SGCZ: variants seen among roughly 807,000 people sequenced by gnomAD.
The protein encoded by SGCZ is zeta-sarcoglycan.
SGCZ carries 40 observed loss-of-function variants against 41.3 expected under a neutral mutation model. The observed-to-expected ratio is 0.97, with a 90% confidence interval of 0.75 to 1.26. SGCZ has a LOEUF of 1.26. Among genes scored for constraint, SGCZ ranks in the 50% most tolerant of loss-of-function variants. The pLI is 0.00. For synonymous variants in SGCZ, 206 were observed against 137.5 expected (o/e 1.50, Z -3.49); for missense variants, 552 against 369.8 (o/e 1.49, Z -4.04).
intron 5 of SGCZ, among the ~76,000 whole-genome samples, chr8:14,153,152 T>A (rs1428691736): frequency 6.6e-6 from 1 of 152,214 alleles, no homozygotes; most frequent in Non-Finnish European, 1.5e-5. Flanking sequence ...TATAAGATGT[T>A]ACCATTGAGA....
intron 1 of SGCZ, among the ~76,000 whole-genome samples, chr8:14,685,282 G>C (rs1334088277): frequency 6.6e-6 from 1 of 151,992 alleles, no homozygotes; most frequent in African/African-American, 2.4e-5. Context: ...GTGGTATTTT[G>C]GGGTGGACAT....
intron 2 of SGCZ, among the ~76,000 whole-genome samples, chr8:14,523,154 T>G (rs7812643): frequency 0.81 from 123,667 of 151,806 alleles, 50,927 homozygotes; most frequent in African/African-American, 0.95. Context: ...TTAGAACCAC[T>G]TTAGAGAGTG....
intron 1 of SGCZ, among the ~76,000 whole-genome samples, chr8:14,742,011 C>A (rs1228177439): frequency 6.6e-6 from 1 of 151,728 alleles, no homozygotes; most frequent in East Asian, 1.9e-4. Flanking sequence ...TTATTTAAGG[C>A]ATAATTATTT....
At chr8:14,356,450 A>G (rs1340018224) in intron 2 of SGCZ, among the ~76,000 whole-genome samples, 2 of 152,166 alleles carry the variant, frequency 1.3e-5, no homozygotes, top group Admixed American at 1.3e-4. Flanking sequence ...GAAATACTGT[A>G]TATTAATGAA....
At chr8:14,121,236 C>T (rs906600646) in intron 5 of SGCZ, among the ~76,000 whole-genome samples, 3 of 151,712 alleles carry the variant, frequency 2.0e-5, no homozygotes, top group African/African-American at 7.3e-5. Context: ...ATATATTCAA[C>T]TATATTATAT....
intron 1 of SGCZ, among the ~76,000 whole-genome samples, chr8:14,669,691 TATACAC>T (rs1808039658): frequency 1.6e-5 from 1 of 61,568 alleles, no homozygotes; most frequent in Non-Finnish European, 3.1e-5. Flanking sequence ...CCATTTTGTG[TATACAC>T]ACACACACAC....
chr8:14,569,832 C>A (rs1369561948), intron 1 of SGCZ, among the ~76,000 whole-genome samples: 1 of 151,940 alleles, frequency 6.6e-6, no homozygotes, highest in African/African-American at 2.4e-5. Context: ...TGGGTGGGGG[C>A]TGAAATACTT....
At chr8:14,811,011 A>G (rs752009294) in intron 1 of SGCZ, among the ~76,000 whole-genome samples, 24 of 152,056 alleles carry the variant, frequency 1.6e-4, no homozygotes, top group Non-Finnish European at 2.9e-4. Flanking sequence ...TTTTTAGTAC[A>G]TCTTTCCCCC....
chr8:14,370,468 T>C (rs886550503), intron 2 of SGCZ, among the ~76,000 whole-genome samples: 1 of 151,888 alleles, frequency 6.6e-6, no homozygotes, highest in Non-Finnish European at 1.5e-5. Context: ...TTATATGAAA[T>C]TGACTAAACT....
chr8:14,763,060 AAAC>A (rs769307445), intron 1 of SGCZ, among the ~76,000 whole-genome samples: 5 of 152,226 alleles, frequency 3.3e-5, no homozygotes, highest in African/African-American at 4.8e-5. Context: ...TTAAAAATAA[AAAC>A]AACAATCAAT....
intron 4 of SGCZ, among the ~76,000 whole-genome samples, chr8:14,184,382 T>C (rs1804835408): frequency 6.6e-6 from 1 of 152,188 alleles, no homozygotes; most frequent in African/African-American, 2.4e-5. Context: ...ATTTAAATGA[T>C]TTTTAGTCTT....
At chr8:14,835,887 T>C (rs968303558) in intron 1 of SGCZ, among the ~76,000 whole-genome samples, 1 of 152,022 alleles carries the variant, frequency 6.6e-6, no homozygotes, top group Non-Finnish European at 1.5e-5. Flanking sequence ...AAATTAAGAG[T>C]TGTGGAATAA....
At chr8:14,852,382 T>G (rs1037315136) in intron 1 of SGCZ, among the ~76,000 whole-genome samples, 3 of 152,210 alleles carry the variant, frequency 2.0e-5, no homozygotes, top group African/African-American at 7.2e-5. Context: ...AGTTGATATA[T>G]GGCTACAGAA....
At chr8:14,774,464 T>C (rs973561373) in intron 1 of SGCZ, among the ~76,000 whole-genome samples, 6 of 152,234 alleles carry the variant, frequency 3.9e-5, no homozygotes, top group African/African-American at 1.4e-4. Flanking sequence ...TTCACACCTG[T>C]GTCCCCTACC....
intron 1 of SGCZ, among the ~76,000 whole-genome samples, chr8:14,847,788 T>TA (rs200291523): frequency 0.47 from 49,587 of 104,880 alleles, 11,182 homozygotes; most frequent in East Asian, 0.62. Context: ...TAGTTAATGG[T>TA]AAAAAAAAAA....
At chr8:14,613,734 TA>T (rs11300774) in intron 1 of SGCZ, among the ~76,000 whole-genome samples, 39,471 of 151,910 alleles carry the variant, frequency 0.26, 5,176 homozygotes, top group Non-Finnish European at 0.27. Context: ...GATTTAGACA[TA>T]AGAATTATGG....
At chr8:14,417,149 A>C (rs1467962376) in intron 2 of SGCZ, among the ~76,000 whole-genome samples, 1 of 151,824 alleles carries the variant, frequency 6.6e-6, no homozygotes, top group Non-Finnish European at 1.5e-5. Flanking sequence ...CTTCTTAGAG[A>C]TAAAACTGAC....
chr8:14,180,774 G>A (rs1327608693), intron 4 of SGCZ, among the ~76,000 whole-genome samples: 1 of 152,010 alleles, frequency 6.6e-6, no homozygotes, highest in Non-Finnish European at 1.5e-5. Flanking sequence ...TGCTCCTGAA[G>A]CAGGTGGCCA....
At chr8:14,693,694 G>A (rs1808873678) in intron 1 of SGCZ, among the ~76,000 whole-genome samples, 1 of 142,702 alleles carries the variant, frequency 7.0e-6, no homozygotes, top group Non-Finnish European at 1.5e-5. Flanking sequence ...GGGTATAAGT[G>A]ATTCTTCTCC....
Sources: allele counts gnomAD v4.1 joint callset (sites outside exome capture counted in the v4.1 genomes callset), GRCh38; gene constraint gnomAD v4.1.1; transcripts MANE v1.5; gene names NCBI Gene and HGNC (gene_info 2026-07-23, HGNC 2026-07-21).